The following SEL1L2 variants were observed in gnomAD, a reference collection of about 807,000 sequenced individuals.
The protein encoded by SEL1L2 is protein sel-1 homolog 2.
In SEL1L2, 89 loss-of-function variants were observed where a neutral mutation model predicts 98.8. The ratio of observed to expected loss-of-function variants is 0.90; its 90% CI spans 0.76 to 1.07. SEL1L2 has a LOEUF of 1.07. SEL1L2 is among the 50% of genes least tolerant of loss of function. SEL1L2 has a pLI of 0.00. For synonymous variants in SEL1L2, 262 were observed against 278.5 expected (o/e 0.94, Z 0.59); for missense variants, 788 against 812.0 (o/e 0.97, Z 0.36).
intron 2 of SEL1L2, among the ~76,000 whole-genome samples, chr20:13,953,175 G>A (rs774518682): frequency 2.0e-5 from 3 of 152,060 alleles, no homozygotes; most frequent in Non-Finnish European, 4.4e-5. Flanking sequence ...TTTTACAGTC[G>A]GGCTTTTGGC....
chr20:13,849,726 A>G, intron 19 of SEL1L2, 122 bp from the exon 20 acceptor site: 1 of 1,196,472 alleles, frequency 8.4e-7, no homozygotes, highest in Non-Finnish European at 1.2e-6. Flanking sequence ...TGCTTCCTTC[A>G]GTCTTGGAAG....
intron 10 of SEL1L2, among the ~76,000 whole-genome samples, chr20:13,884,536 C>G (rs1173519665): frequency 6.6e-6 from 1 of 152,116 alleles, no homozygotes. Flanking sequence ...TAGAGGGAGT[C>G]TGGCTCTGTC....
At chr20:13,885,239 T>C (rs2046894619) in intron 10 of SEL1L2, 108 bp downstream of exon 10, 1 of 757,280 alleles carries the variant, frequency 1.3e-6, no homozygotes, top group Admixed American at 1.8e-5. Flanking sequence ...TCAGTGGGCT[T>C]TCTGAGCAAC....
At chr20:13,899,609 A>G (rs2047576046) in intron 5 of SEL1L2, among the ~76,000 whole-genome samples, 1 of 151,900 alleles carries the variant, frequency 6.6e-6, no homozygotes, top group East Asian at 1.9e-4. Flanking sequence ...CCTTTTTTTT[A>G]TAAGGGCACC....
chr20:13,859,573 C>A, intron 17 of SEL1L2, 139 bp from the exon 18 acceptor site: 1 of 660,562 alleles, frequency 1.5e-6, no homozygotes, highest in Admixed American at 2.9e-5. Flanking sequence ...GAACCAAAAA[C>A]ACTCAGAACC....
chr20:13,875,978 T>C, intron 12 of SEL1L2, 60 bp downstream of exon 12: 1 of 1,294,454 alleles, frequency 7.7e-7, no homozygotes, highest in Non-Finnish European at 1.1e-6. Context: ...TTGGCACCAG[T>C]CTGCGTGTAA....
At position 13,982,576 on chromosome 20, in the gene SEL1L2, A is replaced by T. The variant is rs76976441; in HGVS notation, c.58+7901T>A. ...GTTCTATCATTGTAAACAAAAAATT[A>T]AAAAAAAGAAAAAAGAAAAAATTGT... On this transcript the variant is annotated intron_variant, in intron 1 of 19. Coordinates refer to ENST00000284951, the MANE Select transcript of SEL1L2 (RefSeq NM_025229.2). 1.5e-3 allele frequency among the ~76,000 whole-genome samples: 222 copies of T among 151,530 alleles called. 2 individuals are homozygous for T. The East Asian group carries it at 0.029, about 20-fold the overall frequency.
chr20:13,994,953 A>G (rs1056333441), upstream of SEL1L2: 1 of 152,252 alleles, frequency 6.6e-6, no homozygotes, highest in Non-Finnish European at 1.5e-5. Context: ...ACGATGTGGA[A>G]CCATTTGCCA....
chr20:13,922,748 A>T (rs1242749075), intron 3 of SEL1L2, among the ~76,000 whole-genome samples: 4 of 152,134 alleles, frequency 2.6e-5, no homozygotes, highest in Non-Finnish European at 5.9e-5. Flanking sequence ...GTGGTTTGTG[A>T]TGTAAATATA....
At position 13,888,635 on chromosome 20, in the gene SEL1L2, CTTTTTTTTTTT is replaced by C. The variant is rs71188192; in HGVS notation, c.550-134_550-124del. ...TTGCATTGTTAATTTCTTTCTTTCTCTTTTTTTTTTTTTTTTTTTTTGAGACAGAGTCTCAC... is the reference window on the plus strand; with the variant it reads ...TTGCATTGTTAATTTCTTTCTTTCTCTTTTTTTTTTGAGACAGAGTCTCAC... On this transcript the variant is annotated intron_variant, in intron 5 of 19. Transcript: ENST00000284951. 551 of 206,484 alleles carry C rather than the reference CTTTTTTTTTTT, an allele frequency of 2.7e-3. 1 individual carries two copies. Among genetic ancestry groups the C allele is most frequent in the Non-Finnish European group, 3.7e-3 (459 of 122,890 alleles). 12.8% of individuals were successfully genotyped at this position (206,484 alleles called of 1,614,324 possible). A position where few individuals can be genotyped will look rare whatever the true frequency, so the allele number is the denominator to read the frequency against.
chr20:13,984,433 A>G (rs547147221), intron 1 of SEL1L2, among the ~76,000 whole-genome samples: 1 of 152,280 alleles, frequency 6.6e-6, no homozygotes, highest in Admixed American at 6.5e-5. Flanking sequence ...GGCATTTGGC[A>G]TTGTTGGCAA....
chr20:13,964,340 AG>A (rs1298784203), intron 1 of SEL1L2, among the ~76,000 whole-genome samples: 7 of 152,172 alleles, frequency 4.6e-5, no homozygotes, highest in Non-Finnish European at 8.8e-5. Context: ...CAGCATAGGA[AG>A]AGCCAGCCCA....
At position 13,956,125 on chromosome 20, in the gene SEL1L2, T is replaced by C. The variant is rs779945607; in HGVS notation, c.65A>G (p.Lys22Arg). The change falls in exon 2 of 20, where the codon AAA (lysine) becomes AGA (arginine). Residue 22 changes from lysine (K) to arginine (R), a missense_variant. Transcript: ENST00000284951. Reference sequence around the variant, plus strand: ...TTGTCTTTTATTATGTTCCTCTGCTTTGATAGCTGCAATACACAAAATTTT... The same window carrying C: ...TTGTCTTTTATTATGTTCCTCTGCTCTGATAGCTGCAATACACAAAATTTT... ...IILGVTIKTI[K>R]AEEHNKRQKE... is the part of the protein sequence containing the mutation. The C allele has an allele frequency of 3.3e-6, 5 of 1,537,206 alleles. No individual in the cohort carries two copies. The Admixed American group carries it at 9.4e-5, about 29-fold the overall frequency.
chr20:13,965,458 A>G (rs768101577), intron 1 of SEL1L2, among the ~76,000 whole-genome samples: 44 of 152,226 alleles, frequency 2.9e-4, no homozygotes, highest in Non-Finnish European at 6.0e-4. Flanking sequence ...AATTCTCCCA[A>G]TGGGATTTTT....
In SEL1L2 at chr20:13,887,851, C is replaced by A. The variant is rs555031603; in HGVS notation, c.664-1G>T. ...TGATTCCCGACAAATATCTGTACCC[C>A]TAAAACACAGACAGATGCATTCTTA... On this transcript the variant is annotated splice_acceptor_variant, in intron 7 of 19. Transcript: ENST00000284951. LOFTEE classifies it high-confidence loss of function. The A allele has an allele frequency of 4.7e-5, 75 of 1,612,542 alleles. No homozygotes were observed. Among genetic ancestry groups the A allele is most frequent in the Non-Finnish European group, 5.9e-5 (70 of 1,178,818 alleles).
At chr20:13,969,390 G>T (rs2051186112) in intron 1 of SEL1L2, among the ~76,000 whole-genome samples, 2 of 152,120 alleles carry the variant, frequency 1.3e-5, no homozygotes, top group Admixed American at 1.3e-4. Flanking sequence ...CCATGAACAG[G>T]TAAAACATTG....
upstream of SEL1L2, among the ~76,000 whole-genome samples, chr20:13,994,786 C>T (rs538458750): frequency 1.7e-4 from 26 of 152,268 alleles, no homozygotes; most frequent in South Asian, 5.2e-3. Flanking sequence ...TTTGTTTTGA[C>T]GTAAGACGTG....
Position 13,849,570 on chromosome 20 carries a change from T to G in SEL1L2, c.1982A>C (p.Asn661Thr). 1 of 1,614,060 alleles carries G rather than the reference T, an allele frequency of 6.2e-7. No homozygotes were observed. Among genetic ancestry groups the G allele is most frequent in the East Asian group, 2.2e-5 (1 of 44,874 alleles). Reference protein sequence around the residue: ...TTRWNWLKLDNTIGPHWDLFV... With the variant: ...TTRWNWLKLDTTIGPHWDLFV... ...TAAGTCCCAGTGTGGTCCAATGGTG[T>G]TGTCCAGTTTCAGCCAGTTCCATCT... Residue 661 changes from asparagine (N) to threonine (T), a missense_variant, in exon 20 of 20, where the codon AAC becomes ACC. By Grantham distance (65) the Asn-to-Thr change is moderately conservative. Transcript: ENST00000284951.
chr20:13,850,128 T>C, intron 19 of SEL1L2, 63 bp downstream of exon 19: 2 of 1,594,432 alleles, frequency 1.3e-6, no homozygotes, highest in Non-Finnish European at 1.7e-6. Flanking sequence ...CTTGTCACTT[T>C]GTCCCTAAGA....
Sources: gnomAD v4.1 joint callset for allele counts (sites outside exome capture counted in the v4.1 genomes callset) on GRCh38, gnomAD v4.1.1 for gene constraint, MANE v1.5 for transcripts, NCBI Gene and HGNC (gene_info 2026-07-23, HGNC 2026-07-21) for gene names.